Variants in MCM2 observed in about 807,000 individuals in gnomAD.
The protein encoded by MCM2 is DNA replication licensing factor MCM2.
Under a neutral mutation model 86.4 loss-of-function variants are expected in MCM2, and 49 were observed. The observed-to-expected ratio is 0.57, with a 90% CI of 0.45 to 0.72. The LOEUF (loss-of-function observed/expected upper bound fraction) is 0.72, where lower values mean the gene tolerates loss of function less well. Among genes scored for constraint, MCM2 ranks in the 30% least tolerant of loss-of-function variants. The pLI is 0.00. For missense variants in MCM2, 1,038 were observed against 1,259.9 expected (o/e 0.82, Z 2.67); for synonymous variants, 475 against 484.6 (o/e 0.98, Z 0.26).
chr3:127,621,755 G>T lies in MCM2; in HGVS notation c.2697G>T (p.Met899Ile). The T allele has an allele frequency of 1.9e-6, 3 of 1,613,910 alleles. No individual in the cohort carries two copies. The highest frequency in any genetic ancestry group is 2.5e-6 in the Non-Finnish European group (3 of 1,179,874). The change falls in exon 16 of 16, where the codon ATG (methionine) becomes ATT (isoleucine). Residue 899 changes from methionine (M) to isoleucine (I), a missense_variant. Transcript: ENST00000265056. ...NKFSHDLKRK[M>I]ILQQF ...TCAGCCACGACCTGAAAAGGAAAATGATCCTGCAGCAGTTCTGAGGCCCTA... is the reference window on the plus strand; with the variant it reads ...TCAGCCACGACCTGAAAAGGAAAATTATCCTGCAGCAGTTCTGAGGCCCTA...
chr3:127,608,351 T>A, intron 6 of MCM2, 31 bp from the exon 7 acceptor site: 6 of 1,609,812 alleles, frequency 3.7e-6, no homozygotes, highest in Non-Finnish European at 5.1e-6. Context: ...AGTAAGTCAG[T>A]GATTTGAGGC....
intron 8 of MCM2, 61 bp from the exon 9 acceptor site, chr3:127,615,801 G>A (rs754848504): frequency 9.3e-5 from 116 of 1,247,572 alleles, no homozygotes; most frequent in Non-Finnish European, 1.2e-4. Flanking sequence ...GCCAGAGCAT[G>A]TGGGTGACCT....
Position 127,620,857 on chromosome 3 carries a change from A to G in MCM2, c.2425A>G (p.Ser809Gly). The G allele has an allele frequency of 6.2e-7, 1 of 1,611,338 alleles. No homozygotes were observed. The highest frequency in any genetic ancestry group is 8.5e-7 in the Non-Finnish European group (1 of 1,178,178). Residue 809 changes from serine (S) to glycine (G), a missense_variant, in exon 14 of 16, where the codon AGC becomes GGC. Physicochemically the swap from Ser to Gly is moderately conservative, Grantham distance 56. Coordinates refer to ENST00000265056, the MANE Select transcript of MCM2 (RefSeq NM_004526.4). Reference sequence around the variant, plus strand: ...GAGCTTCATAGACACACAGAAGTTCAGCGTCATGCGCAGCATGCGCAAGGT... The same window carrying G: ...GAGCTTCATAGACACACAGAAGTTCGGCGTCATGCGCAGCATGCGCAAGGT... ...LESFIDTQKF[S>G]VMRSMRKTFA...
At chr3:127,620,167 C>T (rs967588178) in intron 13 of MCM2, among the ~76,000 whole-genome samples, 12 of 152,140 alleles carry the variant, frequency 7.9e-5, no homozygotes, top group African/African-American at 1.7e-4. Context: ...AGGTCTTTGG[C>T]TCATTCATAG....
At chr3:127,611,465 A>G (rs2074394254) in intron 8 of MCM2, among the ~76,000 whole-genome samples, 1 of 152,154 alleles carries the variant, frequency 6.6e-6, no homozygotes, top group Admixed American at 6.6e-5. Flanking sequence ...CTGGGCACTA[A>G]TAAGGCATCT....
chr3:127,600,140 G>A (rs2074296912), intron 2 of MCM2, among the ~76,000 whole-genome samples: 1 of 152,210 alleles, frequency 6.6e-6, no homozygotes. Flanking sequence ...AATTAGCTGT[G>A]CATGGTGGTG....
intron 8 of MCM2, among the ~76,000 whole-genome samples, chr3:127,615,137 CTTT>C (rs1208958228): frequency 6.6e-6 from 1 of 152,178 alleles, no homozygotes; most frequent in Non-Finnish European, 1.5e-5. Flanking sequence ...TTCTGAGCTT[CTTT>C]GTCTGTCCTA....
Position 127,619,054 on chromosome 3 carries a change from G to A in MCM2, c.2041G>A (p.Gly681Ser), listed in dbSNP as rs1312402736. 6.2e-7 allele frequency: 1 copy of A among 1,608,514 alleles called. No homozygotes were observed. Among genetic ancestry groups the A allele is most frequent in the Non-Finnish European group, 8.5e-7 (1 of 1,176,284 alleles). The change falls in exon 13 of 16, where the codon GGC becomes AGC. Residue 681 changes from glycine to serine, a missense_variant. Around this residue, in one of 4 missense-constraint regions of MCM2, gnomAD observed 336 missense variants for 425.7 expected, o/e 0.79. Transcript: ENST00000265056. ...QDEMLARFVV[G>S]SHVRHHPSNK... ...CGAGATGCTGGCCCGCTTCGTGGTGGGCAGCCACGTCAGACACCACCCCAG... is the reference window on the plus strand; with the variant it reads ...CGAGATGCTGGCCCGCTTCGTGGTGAGCAGCCACGTCAGACACCACCCCAG...
intron 2 of MCM2, among the ~76,000 whole-genome samples, chr3:127,600,101 G>A (rs1054469687): frequency 1.1e-4 from 16 of 152,184 alleles, no homozygotes; most frequent in African/African-American, 4.8e-5. Context: ...TCAACAGGGT[G>A]AAACCCCGTC....
At chr3:127,600,151 C>T (rs138092096) in intron 2 of MCM2, among the ~76,000 whole-genome samples, 179 of 152,244 alleles carry the variant, frequency 1.2e-3, no homozygotes, top group Admixed American at 2.2e-3. Flanking sequence ...CATGGTGGTG[C>T]GTGCTTGTAG....
In MCM2 at chr3:127,608,964, A is replaced by G. The variant is rs2074372324; in HGVS notation, c.1369A>G (p.Thr457Ala). 1 of 1,614,150 alleles carries G rather than the reference A, an allele frequency of 6.2e-7. No individual in the cohort carries two copies. Among genetic ancestry groups the G allele is most frequent in the Non-Finnish European group, 8.5e-7 (1 of 1,180,026 alleles). Residue 457 changes from threonine (T) to alanine (A), a missense_variant, in exon 8 of 16, where the codon ACC becomes GCC. By Grantham distance (58) the Thr-to-Ala change is moderately conservative (BLOSUM62 0). Around this residue, in one of 4 missense-constraint regions of MCM2, gnomAD observed 399 missense variants for 507.2 expected, o/e 0.79. Coordinates refer to ENST00000265056, the MANE Select transcript of MCM2 (RefSeq NM_004526.4). ...CAACAAGGTTGCTGTAGGGGAACTGACCGATGAAGATGTGAAGATGATCAC... is the reference window on the plus strand; with the variant it reads ...CAACAAGGTTGCTGTAGGGGAACTGGCCGATGAAGATGTGAAGATGATCAC... ...KDNKVAVGEL[T>A]DEDVKMITSL...
At position 127,606,859 on chromosome 3, in the gene MCM2, G is replaced by T. The variant is rs1171575523; in HGVS notation, c.1101+42G>T. ...GGTCTGCTGCCAGCTGTCCTTAGGG[G>T]TGCCCAGTATGCAGGACCTGACTGG... On this transcript the variant is annotated intron_variant, in intron 6 of 15. Transcript: ENST00000265056. This position sits in a 1 kb window ranked among gnomAD's most constrained non-coding sequence, Gnocchi z 4.2. 3 of 1,598,568 alleles carry T rather than the reference G, an allele frequency of 1.9e-6. No individual in the cohort carries two copies. The African/African-American group carries it at 4.0e-5, about 21-fold the overall frequency.
chr3:127,621,829 C>A lies in MCM2; in HGVS notation c.*56C>A. On this transcript the variant is annotated 3_prime_UTR_variant, in exon 16 of 16. Transcript: ENST00000265056. The stretch of plus-strand genomic sequence containing the variant: ...GATTCTGGTTTGGGGTGGTCAGTGC[C>A]CTCTGTGCTTTATGGACACAAAACC... The A allele has an allele frequency of 7.3e-7, 1 of 1,361,132 alleles. No homozygotes were observed. The highest frequency in any genetic ancestry group is 1.0e-6 in the Non-Finnish European group (1 of 960,190). The allele number at this position is 1,361,132 out of a possible 1,614,324, so 84.3% of individuals were successfully genotyped here.
At chr3:127,604,481 G>A in intron 2 of MCM2, 127 bp from the exon 3 acceptor site, 2 of 871,206 alleles carry the variant, frequency 2.3e-6, no homozygotes, top group Non-Finnish European at 1.8e-6. Context: ...TTTCTGACCT[G>A]GAAGCGCTGA....
In MCM2 at chr3:127,604,624, C is replaced by T; in HGVS notation, c.253C>T (p.Pro85Ser). ...CTCCCTCAGGGACTACCGCGCCATC[C>T]CAGAGCTGGACGCCTATGAGGCCGA... ...DGMERDYRAIPELDAYEAEGL... is the reference protein window; with the variant it reads ...DGMERDYRAISELDAYEAEGL... The change falls in exon 3 of 16, where the codon CCA (proline) becomes TCA (serine). Residue 85 changes from proline (P) to serine (S), a missense_variant. Around this residue, in one of 4 missense-constraint regions of MCM2, gnomAD observed 300 missense variants for 307.4 expected, o/e 0.98. Coordinates refer to ENST00000265056, the MANE Select transcript of MCM2 (RefSeq NM_004526.4). The T allele has an allele frequency of 3.1e-6, 5 of 1,613,260 alleles. No individual in the cohort carries two copies. Among genetic ancestry groups the T allele is most frequent in the Non-Finnish European group, 3.4e-6 (4 of 1,180,014 alleles).
intron 8 of MCM2, chr3:127,611,001 A>G (rs2074390404): frequency 4.4e-6 from 2 of 455,818 alleles, no homozygotes; most frequent in Non-Finnish European, 8.8e-6. Flanking sequence ...TAAGTCAGAC[A>G]TGACCCTTGC....
Position 127,617,245 on chromosome 3 carries a change from A to G in MCM2, c.1774-34A>G. ...CGGAGACTTAGTAGTAGGGGCGTGAACCATGCTAAGGGTGGGCCATTTTAA... is the reference window on the plus strand; with the variant it reads ...CGGAGACTTAGTAGTAGGGGCGTGAGCCATGCTAAGGGTGGGCCATTTTAA... On this transcript the variant is annotated intron_variant, in intron 10 of 15. Transcript: ENST00000265056. This position sits in a 1 kb window ranked among gnomAD's most constrained non-coding sequence, Gnocchi z 4.1. 1 of 1,613,520 alleles carries G rather than the reference A, an allele frequency of 6.2e-7. No homozygotes were observed. Among genetic ancestry groups the G allele is most frequent in the South Asian group, 1.1e-5 (1 of 91,054 alleles).
rs116624569 is a variant in MCM2, at chr3:127,614,084, C to G, written c.1429-1778C>G. ...TGGGGGATTAAGATGCCAACACATG[C>G]TTTCTGGGGGGTACATTCAAACTGT... On this transcript the variant is annotated intron_variant, in intron 8 of 15. Transcript: ENST00000265056. 2.3e-3 allele frequency among the ~76,000 whole-genome samples: 355 copies of G among 152,340 alleles called. 3 individuals carry two copies. Among genetic ancestry groups the G allele is most frequent in the African/African-American group, 8.2e-3 (341 of 41,574 alleles).
chr3:127,619,931 C>T (rs931792167), intron 13 of MCM2, among the ~76,000 whole-genome samples: 1 of 152,084 alleles, frequency 6.6e-6, no homozygotes, highest in Admixed American at 6.6e-5. Flanking sequence ...CTACAGTGAG[C>T]TATGATGGCA....
Sources: allele counts gnomAD v4.1 joint callset (sites outside exome capture counted in the v4.1 genomes callset), GRCh38; gene constraint gnomAD v4.1.1; regional missense constraint gnomAD v4.1.1; non-coding constraint Gnocchi (gnomAD v3.1); transcripts MANE v1.5; gene names NCBI Gene and HGNC (gene_info 2026-07-23, HGNC 2026-07-21).